ARHGAP21: variants seen among roughly 807,000 people sequenced by gnomAD.
ARHGAP21 encodes Rho GTPase activating protein 21, also known as rho GTPase-activating protein 21.
ARHGAP21 carries 38 observed loss-of-function variants against 164.6 expected under a neutral mutation model. The ratio of observed to expected loss-of-function variants is 0.23; its 90% confidence interval spans 0.18 to 0.30. The LOEUF (loss-of-function observed/expected upper bound fraction) is 0.30, where lower values mean the gene tolerates loss of function less well. ARHGAP21 is among the 10% of genes least tolerant of loss of function. ARHGAP21 has a pLI of 1.00. For missense variants in ARHGAP21, 1,822 were observed against 2,370.7 expected, an observed-to-expected ratio of 0.77 and a Z score of 4.81; for synonymous variants, 766 against 857.9, an observed-to-expected ratio of 0.89 and a Z score of 1.87.
chr10:24,678,505 T>C lies in ARHGAP21; in HGVS notation c.64-8108A>G, dbSNP rs374864288. 4.6e-5 allele frequency among the ~76,000 whole-genome samples: 7 copies of C among 150,624 alleles called. No individual in the cohort carries two copies. The South Asian group carries it at 8.3e-4, about 18-fold the overall frequency. ...GTTTGTTTCTGTCTTTTTGTTGTTG[T>C]TGTTTTGTTTATTTTGAGACAGTCT... On this transcript the variant is annotated intron_variant, in intron 2 of 25. Transcript: ENST00000396432.
chr10:24,658,863 A>T (rs1839376136), intron 4 of ARHGAP21, among the ~76,000 whole-genome samples: 1 of 152,224 alleles, frequency 6.6e-6, no homozygotes, highest in Admixed American at 6.5e-5. Flanking sequence ...AACCCAATTT[A>T]AAAACAGGCA....
chr10:24,620,258 T>G lies in ARHGAP21; in HGVS notation c.1637A>C (p.Gln546Pro). 1 of 1,614,010 alleles carries G rather than the reference T, an allele frequency of 6.2e-7. No homozygotes were observed. Among genetic ancestry groups the G allele is most frequent in the Non-Finnish European group, 8.5e-7 (1 of 1,179,876 alleles). ...TCGAAAAGATTTATGAATTTCTTGC[T>G]GCCTAGGTCTTTCACAAATACCTCG... Reference protein sequence around the residue: ...DRRGICERPRQQEIHKSFRGS... With the variant: ...DRRGICERPRPQEIHKSFRGS... Residue 546 changes from glutamine to proline, a missense_variant, in exon 9 of 26, where the codon CAG becomes CCG. Gln to Pro is a moderately conservative substitution (Grantham distance 76, BLOSUM62 -1). Around this residue, in one of 5 missense-constraint regions of ARHGAP21, gnomAD observed 1,090 missense variants for 1,378.9 expected, o/e 0.79. Transcript: ENST00000396432.
chr10:24,694,173 C>G (rs112297880), intron 2 of ARHGAP21, among the ~76,000 whole-genome samples: 93 of 152,328 alleles, frequency 6.1e-4, no homozygotes, highest in African/African-American at 2.1e-3. Flanking sequence ...ACCCATACCC[C>G]CTTATGCCTA....
chr10:24,647,226 C>A (rs1312999077), intron 4 of ARHGAP21, among the ~76,000 whole-genome samples: 1 of 152,202 alleles, frequency 6.6e-6, no homozygotes, highest in African/African-American at 2.4e-5. Context: ...GAATTCCTTG[C>A]ATTTTAGATC....
rs772843248 is a variant in ARHGAP21 at position 24,667,021 on chromosome 10, A to T, written c.244-12T>A. 4 of 1,300,756 alleles carry T rather than the reference A, an allele frequency of 3.1e-6. No individual in the cohort carries two copies. Among genetic ancestry groups the T allele is most frequent in the South Asian group, 2.6e-5 (2 of 77,928 alleles). The allele number at this position is 1,300,756 out of a possible 1,614,324, so 80.6% of individuals were successfully genotyped here. A position where few individuals can be genotyped will look rare whatever the true frequency, so the allele number is the denominator to read the frequency against. ...CCATTTTCTTCATCCTACAAATGAA[A>T]ATATATATATACATATATGAGTACA... is the stretch of plus-strand genomic sequence containing the variant. On this transcript the variant is annotated splice_polypyrimidine_tract_variant and intron_variant, in intron 3 of 25. Coordinates refer to ENST00000396432, the MANE Select transcript of ARHGAP21 (RefSeq NM_020824.4).
intron 24 of ARHGAP21, chr10:24,589,994 A>T (rs1274395732): frequency 5.0e-6 from 1 of 201,074 alleles, no homozygotes; most frequent in African/African-American, 2.3e-5. Context: ...AAAAATGGAG[A>T]CCATAATTTT....
intron 2 of ARHGAP21, among the ~76,000 whole-genome samples, chr10:24,675,356 T>C (rs1025350222): frequency 6.6e-6 from 1 of 152,178 alleles, no homozygotes; most frequent in African/African-American, 2.4e-5. Context: ...TCCATTTATA[T>C]AAATCCTAGA....
At chr10:24,625,204 A>C (rs1475731778) in intron 7 of ARHGAP21, among the ~76,000 whole-genome samples, 2 of 151,708 alleles carry the variant, frequency 1.3e-5, no homozygotes, top group African/African-American at 4.8e-5. Context: ...TAGTAACTAA[A>C]TAACCCTAAA....
At chr10:24,640,726 G>C (rs548090325) in intron 4 of ARHGAP21, among the ~76,000 whole-genome samples, 1 of 152,150 alleles carries the variant, frequency 6.6e-6, no homozygotes, top group South Asian at 2.1e-4. Flanking sequence ...ACATAGCAAA[G>C]TTATGTCTGA....
Position 24,723,272 on chromosome 10 carries a change from A to C in ARHGAP21, c.-381+290T>G, listed in dbSNP as rs569969603. The C allele has an allele frequency of 6.0e-5, 9 of 150,406 alleles. No homozygotes were observed. In the East Asian group the frequency reaches 1.6e-3, roughly 27 times the overall value. The allele number at this position is 150,406 out of a possible 1,614,324, so 9.3% of individuals were successfully genotyped here. The stretch of plus-strand genomic sequence containing the variant: ...TAGGCCGCAGGCTCGGTTAATATTC[A>C]TGAGCGGCCCCAGGCGCCCCTCCTC... On this transcript the variant is annotated intron_variant, in intron 1 of 25. Transcript: ENST00000396432.
intron 2 of ARHGAP21, among the ~76,000 whole-genome samples, chr10:24,680,686 T>TA (rs1157254802): frequency 2.0e-5 from 3 of 151,858 alleles, no homozygotes; most frequent in East Asian, 3.9e-4. Flanking sequence ...AAGCGGAAGA[T>TA]AAAAAAAATA....
intron 8 of ARHGAP21, among the ~76,000 whole-genome samples, chr10:24,622,330 T>C (rs933299772): frequency 2.6e-5 from 4 of 151,112 alleles, no homozygotes; most frequent in African/African-American, 4.9e-5. Context: ...AAGACTATCA[T>C]CACATCCTGC....
At chr10:24,674,248 A>G (rs1306560485) in intron 2 of ARHGAP21, among the ~76,000 whole-genome samples, 1 of 151,756 alleles carries the variant, frequency 6.6e-6, no homozygotes, top group Admixed American at 6.6e-5. Flanking sequence ...AAAATTAGCC[A>G]GGTAGCTGGG....
intron 4 of ARHGAP21, among the ~76,000 whole-genome samples, chr10:24,640,834 A>C (rs1209643590): frequency 6.6e-6 from 1 of 152,168 alleles, no homozygotes; most frequent in Non-Finnish European, 1.5e-5. Flanking sequence ...AGGAATGTGG[A>C]TCTATTAAGG....
chr10:24,718,552 GGGA>G (rs1416360802), intron 2 of ARHGAP21, among the ~76,000 whole-genome samples: 1 of 152,012 alleles, frequency 6.6e-6, no homozygotes, highest in African/African-American at 2.4e-5. Flanking sequence ...TAGAAAGGAG[GGGA>G]GGAGAAGAGA....
chr10:24,584,705 T>C lies in ARHGAP21; in HGVS notation c.5584A>G (p.Thr1862Ala). 1.2e-6 allele frequency: 2 copies of C among 1,613,932 alleles called. No individual in the cohort carries two copies. The highest frequency in any genetic ancestry group is 4.5e-5 in the East Asian group (2 of 44,872). Residue 1862 changes from threonine to alanine, a missense_variant, in exon 26 of 26, where the codon ACC (threonine) becomes GCC (alanine). Physicochemically the swap from Thr to Ala is moderately conservative, Grantham distance 58. Around this residue, in one of 5 missense-constraint regions of ARHGAP21, gnomAD observed 165 missense variants for 176.6 expected, o/e 0.93. Coordinates refer to ENST00000396432, the MANE Select transcript of ARHGAP21 (RefSeq NM_020824.4). ...WLARERLRTS[T>A]SDLSRGEIGD... The stretch of plus-strand genomic sequence containing the variant: ...ATTTCTCCTCTGCTAAGGTCAGAGG[T>C]ACTGGTGCGTAGGCGTTCCCTGGCC...
chr10:24,704,289 CTTTTTTTT>C, intron 2 of ARHGAP21, among the ~76,000 whole-genome samples: 1 of 125,976 alleles, frequency 7.9e-6, no homozygotes, highest in East Asian at 2.2e-4. Flanking sequence ...TTTTTCTTTT[CTTTTTTTT>C]TTTTTTTTTT....
At chr10:24,594,647 C>T (rs898129003) in intron 21 of ARHGAP21, among the ~76,000 whole-genome samples, 7 of 151,926 alleles carry the variant, frequency 4.6e-5, no homozygotes, top group African/African-American at 7.3e-5. Flanking sequence ...ACTGTTGTAG[C>T]GTATGCATAT....
intron 24 of ARHGAP21, chr10:24,590,252 C>T: frequency 6.7e-7 from 1 of 1,484,402 alleles, no homozygotes; most frequent in Non-Finnish European, 8.9e-7. Flanking sequence ...CAAGAAACAG[C>T]AGAAAAACTT....
Sources: allele counts gnomAD v4.1 joint callset (sites outside exome capture counted in the v4.1 genomes callset), GRCh38; gene constraint gnomAD v4.1.1; regional missense constraint gnomAD v4.1.1; transcripts MANE v1.5; gene names NCBI Gene and HGNC (gene_info 2026-07-23, HGNC 2026-07-21).